Variants in BRME1 observed in about 807,000 individuals in gnomAD.
BRME1 encodes the protein break repair meiotic recombinase recruitment factor 1.
A neutral mutation model predicts 52.6 loss-of-function variants in BRME1; 31 were observed. The observed-to-expected ratio is 0.59, with a 90% CI of 0.44 to 0.80. BRME1 has a LOEUF of 0.80. Among genes scored for constraint, BRME1 ranks in the 30% least tolerant of loss-of-function variants. The pLI, the probability that BRME1 is intolerant of heterozygous loss-of-function variation, is 0.00. For missense variants in BRME1, 804 were observed against 860.3 expected (o/e 0.93, Z 0.82); for synonymous variants, 359 against 353.6 (o/e 1.02, Z -0.17).
In BRME1 at chr19:13,883,334, G is replaced by A; in HGVS notation, c.1830C>T (p.Gly610=). ...RMEDATNVVR[G]LIVELSNLNR... ...TCAGGTTGGAGAGCTCAACGATGAG[G>A]CCACGCACGACGTTGGTGGCATCCT... is the stretch of plus-strand genomic sequence containing the variant. Residue 610 remains glycine (G), a synonymous_variant, in exon 8 of 9, where the codon GGC becomes GGT. Transcript: ENST00000586783. This position sits in a 1 kb window ranked among gnomAD's most constrained non-coding sequence, Gnocchi z 4.2. The A allele has an allele frequency of 6.5e-7, 1 of 1,534,840 alleles. No homozygotes were observed.
intron 2 of BRME1, 110 bp from the exon 3 acceptor site, chr19:13,895,656 A>T (rs1969838439): frequency 1.1e-6 from 1 of 930,610 alleles, no homozygotes; most frequent in South Asian, 1.6e-5. Flanking sequence ...AAGGGGCCGA[A>T]TCCATTTCAC....
At position 13,883,487 on chromosome 19, in the gene BRME1, G is replaced by C. The variant is rs1012389143; in HGVS notation, c.1764-87C>G. On this transcript the variant is annotated intron_variant, in intron 7 of 8. Transcript: ENST00000586783. This position sits in a 1 kb window ranked among gnomAD's most constrained non-coding sequence, Gnocchi z 4.2. ...GTGGGAGGGGCTTCCGCAGGGCCTCGCGCCATCTTTTCCAGGTGTCCAGCC... is the reference window on the plus strand; with the variant it reads ...GTGGGAGGGGCTTCCGCAGGGCCTCCCGCCATCTTTTCCAGGTGTCCAGCC... The C allele has an allele frequency of 5.8e-5, 58 of 1,002,478 alleles. No individual in the cohort carries two copies. The highest frequency in any genetic ancestry group is 2.4e-4 in the Middle Eastern group (1 of 4,228). 62.1% of individuals were successfully genotyped at this position (1,002,478 alleles called of 1,614,324 possible).
Position 13,883,930 on chromosome 19 carries a change from TC to T in BRME1, c.1764-531del, listed in dbSNP as rs1315952533. On this transcript the variant is annotated intron_variant, in intron 7 of 8. Coordinates refer to ENST00000586783, the MANE Select transcript of BRME1 (RefSeq NM_001345843.2). This position sits in a 1 kb window ranked among gnomAD's most constrained non-coding sequence, Gnocchi z 4.2. The stretch of plus-strand genomic sequence containing the variant: ...TAACCCCTTCTCCGCTGCCTTTTTT[TC>T]CCCAACACTCTGCCATCTGACTATC... 6.6e-6 allele frequency among the ~76,000 whole-genome samples: 1 copy of T among 152,160 alleles called. No individual in the cohort carries two copies. The highest frequency in any genetic ancestry group is 2.4e-5 in the African/African-American group (1 of 41,498).
chr19:13,889,383 G>A lies in BRME1; in HGVS notation c.1473C>T (p.Asp491=), dbSNP rs61732721. 4 of 1,614,092 alleles carry A rather than the reference G, an allele frequency of 2.5e-6. No individual in the cohort carries two copies. Among genetic ancestry groups the A allele is most frequent in the Non-Finnish European group, 3.4e-6 (4 of 1,180,030 alleles). ...GCTGAGCCCCGGGCTCCTGGAGAGGGTCGTCTGCTATTTCTCTGTGTTCCA... is the reference window on the plus strand; with the variant it reads ...GCTGAGCCCCGGGCTCCTGGAGAGGATCGTCTGCTATTTCTCTGTGTTCCA... ...VVLEHREIAD[D]PLQEPGAQQG... Residue 491 remains aspartate (D), a synonymous_variant, in exon 6 of 9, where the codon GAC becomes GAT. Coordinates refer to ENST00000586783, the MANE Select transcript of BRME1 (RefSeq NM_001345843.2).
At chr19:13,896,741 A>AGTGAG (rs1599347060) in intron 2 of BRME1, among the ~76,000 whole-genome samples, 2 of 151,202 alleles carry the variant, frequency 1.3e-5, no homozygotes, top group African/African-American at 4.9e-5. Context: ...CCCAGGCTAG[A>AGTGAG]GTGAGGTGGT....
chr19:13,899,467 G>T (rs1225324149), intron 2 of BRME1, among the ~76,000 whole-genome samples: 1 of 152,022 alleles, frequency 6.6e-6, no homozygotes, highest in Non-Finnish European at 1.5e-5. Context: ...TTGTAATTCT[G>T]TCAGTTACAG....
At chr19:13,899,533 G>A (rs1030697687) in intron 2 of BRME1, among the ~76,000 whole-genome samples, 14 of 152,048 alleles carry the variant, frequency 9.2e-5, no homozygotes, top group African/African-American at 2.7e-4. Flanking sequence ...CTTAGCTCTC[G>A]CTGAGAGAAG....
intron 2 of BRME1, among the ~76,000 whole-genome samples, chr19:13,904,059 C>G (rs1215530934): frequency 6.6e-6 from 1 of 152,110 alleles, no homozygotes; most frequent in African/African-American, 2.4e-5. Flanking sequence ...AGAAAACTTT[C>G]ACTTTTACTT....
chr19:13,886,268 T>A (rs553863775), intron 6 of BRME1, among the ~76,000 whole-genome samples: 1 of 152,290 alleles, frequency 6.6e-6, no homozygotes, highest in East Asian at 1.9e-4. Flanking sequence ...GCGCCCGTCC[T>A]TTCCCCTTGG....
rs1025266274 is a variant in BRME1, at chr19:13,883,338, C to T, written c.1826G>A (p.Arg609His). 4 of 1,535,178 alleles carry T rather than the reference C, an allele frequency of 2.6e-6. No individual in the cohort carries two copies. The highest frequency in any genetic ancestry group is 2.6e-6 in the Non-Finnish European group (3 of 1,146,178). Residue 609 changes from arginine to histidine, a missense_variant, in exon 8 of 9, where the codon CGT becomes CAT. Physicochemically the swap from Arg to His is conservative, Grantham distance 29. This residue lies in a region of BRME1 where 552 missense variants were observed against 561.1 expected (regional missense o/e 0.98). Coordinates refer to ENST00000586783, the MANE Select transcript of BRME1 (RefSeq NM_001345843.2). This position sits in a 1 kb window ranked among gnomAD's most constrained non-coding sequence, Gnocchi z 4.2. ...SRMEDATNVVRGLIVELSNLN... is the reference protein window; with the variant it reads ...SRMEDATNVVHGLIVELSNLN... ...GTTGGAGAGCTCAACGATGAGGCCA[C>T]GCACGACGTTGGTGGCATCCTCCAT...
At chr19:13,904,526 C>T (rs1326026242) in intron 2 of BRME1, among the ~76,000 whole-genome samples, 2 of 152,066 alleles carry the variant, frequency 1.3e-5, no homozygotes, top group Non-Finnish European at 2.9e-5. Flanking sequence ...ACTGCAACAT[C>T]GGACTCCCAG....
chr19:13,887,329 G>A (rs1469576540), intron 6 of BRME1, among the ~76,000 whole-genome samples: 4 of 152,230 alleles, frequency 2.6e-5, no homozygotes, highest in Non-Finnish European at 2.9e-5. Context: ...GGAACGCCTC[G>A]TGTCAAAGCC....
At chr19:13,890,516 A>G (rs1442050908) in intron 5 of BRME1, 54 bp from the exon 6 acceptor site, 2 of 1,425,662 alleles carry the variant, frequency 1.4e-6, no homozygotes, top group Non-Finnish European at 1.8e-6. Flanking sequence ...AGTTCTCCGA[A>G]GAGTTTTCTA....
intron 4 of BRME1, 59 bp from the exon 5 acceptor site, chr19:13,892,949 G>A: frequency 1.3e-6 from 2 of 1,535,936 alleles, no homozygotes; most frequent in Non-Finnish European, 1.8e-6. Context: ...TGAGGTCTTA[G>A]GAAAAAAGCA....
chr19:13,889,583 T>C lies in BRME1; in HGVS notation c.1273A>G (p.Ser425Gly), dbSNP rs779887323. 1 of 1,612,404 alleles carries C rather than the reference T, an allele frequency of 6.2e-7. No homozygotes were observed. Among genetic ancestry groups the C allele is most frequent in the Non-Finnish European group, 8.5e-7 (1 of 1,179,182 alleles). Residue 425 changes from serine to glycine, a missense_variant, in exon 6 of 9, where the codon AGC becomes GGC. Coordinates refer to ENST00000586783, the MANE Select transcript of BRME1 (RefSeq NM_001345843.2). ...PTASLALAPG[S>G]GESMMGAGDS... ...CCAGCACCCATCATGGACTCTCCGC[T>C]CCCAGGTGCCAGAGCCAGGGAGGCT...
Position 13,883,999 on chromosome 19 carries a change from T to C in BRME1, c.1764-599A>G, listed in dbSNP as rs946780475. On this transcript the variant is annotated intron_variant, in intron 7 of 8. Transcript: ENST00000586783. This position sits in a 1 kb window ranked among gnomAD's most constrained non-coding sequence, Gnocchi z 4.2. Reference sequence around the variant, plus strand: ...TGTCCCCACACCCCGAATCCCCCAGTAGCATTCAACTCTGTGTTTTGTCCC... The same window carrying C: ...TGTCCCCACACCCCGAATCCCCCAGCAGCATTCAACTCTGTGTTTTGTCCC... 1.3e-5 allele frequency among the ~76,000 whole-genome samples: 2 copies of C among 152,046 alleles called. No homozygotes were observed. The highest frequency in any genetic ancestry group is 2.9e-5 in the Non-Finnish European group (2 of 68,018).
At chr19:13,893,331 A>T in intron 3 of BRME1, 108 bp from the exon 4 acceptor site, 1 of 837,658 alleles carries the variant, frequency 1.2e-6, no homozygotes, top group Non-Finnish European at 1.9e-6. Context: ...CGAGGCCAGG[A>T]GTTCGAGACC....
intron 6 of BRME1, among the ~76,000 whole-genome samples, chr19:13,887,816 T>A (rs1264767055): frequency 6.7e-6 from 1 of 150,008 alleles, no homozygotes; most frequent in East Asian, 2.0e-4. Flanking sequence ...CAGGCTGGAG[T>A]GCAGTGGTGT....
rs962477266 is a variant in BRME1, at chr19:13,888,629, C to T, written c.1668+559G>A. Among the ~76,000 whole-genome samples the T allele has an allele frequency of 1.3e-5, 2 of 152,246 alleles. No individual in the cohort carries two copies. Among genetic ancestry groups the T allele is most frequent in the Non-Finnish European group, 2.9e-5 (2 of 68,044 alleles). On this transcript the variant is annotated intron_variant, in intron 6 of 8. Coordinates refer to ENST00000586783, the MANE Select transcript of BRME1 (RefSeq NM_001345843.2). This position sits in a 1 kb window ranked among gnomAD's most constrained non-coding sequence, Gnocchi z 4.1. ...GGCAGCCGGTGGGGCGGGCAGATCC[C>T]TGAAGGAGGCAAAGCCCTTACACGT...
Sources: allele counts gnomAD v4.1 joint callset (sites outside exome capture counted in the v4.1 genomes callset), GRCh38; gene constraint gnomAD v4.1.1; regional missense constraint gnomAD v4.1.1; non-coding constraint Gnocchi (gnomAD v3.1); transcripts MANE v1.5; gene names NCBI Gene and HGNC (gene_info 2026-07-23, HGNC 2026-07-21).